CBLN2: variants seen among roughly 807,000 people sequenced by gnomAD.
CBLN2 encodes cerebellin-2.
CBLN2 carries 7 observed loss-of-function variants against 15.0 expected under a neutral mutation model. That is an observed-to-expected ratio of 0.47 (90% confidence interval 0.27 to 0.88). The LOEUF (loss-of-function observed/expected upper bound fraction) is 0.88, where lower values mean the gene tolerates loss of function less well. Ranked by LOEUF, CBLN2 falls within the 40% of genes least tolerant of loss-of-function variation. The pLI is 0.14. For synonymous variants in CBLN2, 149 were observed against 135.2 expected (o/e 1.10, Z -0.71); for missense variants, 242 against 304.5 (o/e 0.79, Z 1.53).
chr18:72,594,750 A>G (rs1256538217), intron 1 of CBLN2, among the ~76,000 whole-genome samples: 1 of 151,948 alleles, frequency 6.6e-6, no homozygotes, highest in African/African-American at 2.4e-5. Flanking sequence ...CTTCTTGTTT[A>G]AATCTTGGTA....
intron 1 of CBLN2, among the ~76,000 whole-genome samples, chr18:72,564,596 T>A (rs2144897875): frequency 6.6e-6 from 1 of 152,268 alleles, no homozygotes; most frequent in Non-Finnish European, 1.5e-5. Flanking sequence ...TATTTGCATA[T>A]TAGTCAGAGA....
upstream of CBLN2, among the ~76,000 whole-genome samples, chr18:72,548,965 C>T (rs747250687): frequency 1.3e-5 from 2 of 152,128 alleles, no homozygotes; most frequent in Non-Finnish European, 2.9e-5. Context: ...TGAAATTTTA[C>T]ATGTCTGCAT....
At chr18:72,564,700 G>A (rs1259697128) in intron 1 of CBLN2, among the ~76,000 whole-genome samples, 5 of 152,116 alleles carry the variant, frequency 3.3e-5, no homozygotes, top group African/African-American at 9.7e-5. Context: ...ATTTCAGAGG[G>A]AGAATAAATG....
chr18:72,637,416 A>C (rs1325618152), intron 1 of CBLN2, among the ~76,000 whole-genome samples: 1 of 152,028 alleles, frequency 6.6e-6, no homozygotes, highest in Non-Finnish European at 1.5e-5. Flanking sequence ...AGCCTCTAAG[A>C]CTCTGATTAC....
Position 72,566,766 on chromosome 18 carries a change from T to G in CBLN2, c.16-27994A>C, listed in dbSNP as rs76038487. 1.1e-3 allele frequency among the ~76,000 whole-genome samples: 161 copies of G among 152,236 alleles called. 5 individuals are homozygous for G. The East Asian group carries it at 0.024, about 22-fold the overall frequency. Reference sequence around the variant, plus strand: ...AGGGTAGTTAACAATGATGTATAATTCAAAATAACTGAAAGAGAGGAATTT... The same window carrying G: ...AGGGTAGTTAACAATGATGTATAATGCAAAATAACTGAAAGAGAGGAATTT... On this transcript the variant is annotated intron_variant, in intron 1 of 2. Coordinates refer to the CBLN2 transcript ENST00000581073.
intron 1 of CBLN2, among the ~76,000 whole-genome samples, chr18:72,594,147 G>A (rs952491346): frequency 2.6e-5 from 4 of 152,152 alleles, no homozygotes; most frequent in Non-Finnish European, 5.9e-5. Context: ...TGAAGGGCTA[G>A]GGGAGGGATA....
At chr18:72,636,996 G>A (rs2069817330) in intron 1 of CBLN2, among the ~76,000 whole-genome samples, 2 of 148,492 alleles carry the variant, frequency 1.3e-5, no homozygotes, top group Non-Finnish European at 3.0e-5. Flanking sequence ...TCCCATTTAG[G>A]CAAGTAATCA....
chr18:72,604,717 A>T (rs2069572110), intron 1 of CBLN2, among the ~76,000 whole-genome samples: 1 of 152,326 alleles, frequency 6.6e-6, no homozygotes, highest in Non-Finnish European at 1.5e-5. Flanking sequence ...AAGAAGAAGA[A>T]GATGAACCTG....
intron 1 of CBLN2, among the ~76,000 whole-genome samples, chr18:72,613,857 G>C (rs1005036897): frequency 6.6e-6 from 1 of 152,130 alleles, no homozygotes; most frequent in Non-Finnish European, 1.5e-5. Flanking sequence ...CCTGTACACC[G>C]TTGCCTTTCA....
chr18:72,612,234 G>C (rs1293399339), intron 1 of CBLN2, among the ~76,000 whole-genome samples: 1 of 151,926 alleles, frequency 6.6e-6, no homozygotes, highest in East Asian at 1.9e-4. Flanking sequence ...CTCTTTTTTG[G>C]TTTCACATGA....
exon 1 of CBLN2, chr18:72,638,478 G>T (rs997010103): frequency 2.5e-6 from 1 of 395,598 alleles, no homozygotes; most frequent in Non-Finnish European, 4.5e-6. Context: ...ACTGACGGAC[G>T]CAAAGTCCTG....
intron 1 of CBLN2, among the ~76,000 whole-genome samples, chr18:72,577,874 G>C (rs183743053): frequency 6.6e-6 from 1 of 152,164 alleles, no homozygotes. Context: ...CAGCATTAGA[G>C]CATTGTGAAG....
In CBLN2 at chr18:72,594,615, T is replaced by A. The variant is rs550949494; in HGVS notation, c.15+43710A>T. On this transcript the variant is annotated intron_variant, in intron 1 of 2. Transcript: ENST00000581073. ...ATAGTTTGAGTAGGATAGGTACTAG[T>A]TCTTTAGATGTTTGGTAAAATTCAG... Among the ~76,000 whole-genome samples, 4 of 152,254 alleles carry A rather than the reference T, an allele frequency of 2.6e-5. No homozygotes were observed. In the East Asian group the frequency reaches 7.7e-4, roughly 29 times the overall value.
In CBLN2 at chr18:72,576,452, T is replaced by C. The variant is rs542847733; in HGVS notation, c.16-37680A>G. Among the ~76,000 whole-genome samples, 24 of 152,178 alleles carry C rather than the reference T, an allele frequency of 1.6e-4. 2 individuals are homozygous for C. The highest frequency in any genetic ancestry group is 1.5e-3 in the Admixed American group (23 of 15,282). ...CCGGTTATATCATAATGAAAACAGA[T>C]AAAATAACAAATAAAAGGAGCACTC... is the stretch of plus-strand genomic sequence containing the variant. On this transcript the variant is annotated intron_variant, in intron 1 of 2. Coordinates refer to the CBLN2 transcript ENST00000581073.
chr18:72,548,454 T>C (rs940273757), upstream of CBLN2, among the ~76,000 whole-genome samples: 1 of 152,240 alleles, frequency 6.6e-6, no homozygotes, highest in Non-Finnish European at 1.5e-5. Flanking sequence ...TTCATAGGAC[T>C]ATTTTGTTTT....
intron 1 of CBLN2, among the ~76,000 whole-genome samples, chr18:72,613,790 T>C (rs1160190573): frequency 6.6e-6 from 1 of 152,222 alleles, no homozygotes; most frequent in Non-Finnish European, 1.5e-5. Flanking sequence ...TCCATTTCTT[T>C]GAAAACCTCA....
At chr18:72,552,686 A>T (rs2069198956) in intron 1 of CBLN2, 1 of 152,198 alleles carries the variant, frequency 6.6e-6, no homozygotes, top group Non-Finnish European at 1.5e-5. Context: ...TAGCGAATTG[A>T]TAATATAATT....
At chr18:72,562,201 C>T (rs640733) in intron 1 of CBLN2, among the ~76,000 whole-genome samples, 137,552 of 152,172 alleles carry the variant, frequency 0.9, 62,325 homozygotes, top group Middle Eastern at 0.97. Context: ...AGGACTGATA[C>T]GGGGTGTGAG....
intron 1 of CBLN2, among the ~76,000 whole-genome samples, chr18:72,582,038 T>G (rs2069409532): frequency 2.0e-5 from 3 of 152,194 alleles, no homozygotes; most frequent in Admixed American, 1.3e-4. Context: ...GTGACATTTC[T>G]GTTGTAAATC....
Sources: gnomAD v4.1 joint callset for allele counts (sites outside exome capture counted in the v4.1 genomes callset) on GRCh38, gnomAD v4.1.1 for gene constraint, MANE v1.5 for transcripts, NCBI Gene and HGNC (gene_info 2026-07-23, HGNC 2026-07-21) for gene names.